ARFGEF1: variants seen among roughly 807,000 people sequenced by gnomAD.
ARFGEF1 encodes ARF guanine nucleotide exchange factor 1.
Under a neutral mutation model 231.0 loss-of-function variants are expected in ARFGEF1, and 42 were observed. The ratio of observed to expected loss-of-function variants is 0.18; its 90% confidence interval spans 0.14 to 0.24. The LOEUF is 0.24. Ranked by LOEUF, ARFGEF1 falls within the 10% of genes least tolerant of loss-of-function variation. ARFGEF1 has a pLI of 1.00. For synonymous variants in ARFGEF1, 710 were observed against 732.3 expected (o/e 0.97, Z 0.49); for missense variants, 1,345 against 2,192.0 (o/e 0.61, Z 7.72).
At chr8:67,275,859 A>ATT in intron 9 of ARFGEF1, 117 bp downstream of exon 9, 5 of 1,271,024 alleles carry the variant, frequency 3.9e-6, no homozygotes, top group East Asian at 2.6e-5. Context: ...CCTCCACCCA[A>ATT]TTTTTTTTTA....
At chr8:67,181,580 ATAAG>A (rs1833054294) in intron 5 of ARFGEF1, among the ~76,000 whole-genome samples, 1 of 152,146 alleles carries the variant, frequency 6.6e-6, no homozygotes, top group Non-Finnish European at 1.5e-5. Context: ...CAAATGCTGC[ATAAG>A]TAAGTCATGG....
rs61758692 is a variant in ARFGEF1 at position 67,291,876 on chromosome 8, G to C, written c.887C>G (p.Thr296Ser). Residue 296 changes from threonine to serine, a missense_variant, in exon 6 of 39, where the codon ACT becomes AGT. Transcript: ENST00000262215. ...SDISSAENEQTEADQATAAET... is the reference protein window; with the variant it reads ...SDISSAENEQSEADQATAAET... ...AGCTGCAGTTGCCTGATCAGCTTCA[G>C]TCTGTTCATTTTCTGCACTGGAAAT... is the stretch of plus-strand genomic sequence containing the variant. The C allele has an allele frequency of 6.2e-7, 1 of 1,613,842 alleles. No individual in the cohort carries two copies. Among genetic ancestry groups the C allele is most frequent in the South Asian group, 1.1e-5 (1 of 91,066 alleles).
Position 67,271,868 on chromosome 8 carries a change from G to A in ARFGEF1, c.1406C>T (p.Pro469Leu). The part of the protein sequence containing the change: ...LLLSILQNAG[P>L]IFRTNEMFIN... ...AAACATCTCATTTGTCCTGAAAATAGGTCCTGCATTCTGCAGAATGGATAG... is the reference window on the plus strand; with the variant it reads ...AAACATCTCATTTGTCCTGAAAATAAGTCCTGCATTCTGCAGAATGGATAG... The change falls in exon 10 of 39, where the codon CCT (proline) becomes CTT (leucine). Residue 469 changes from proline to leucine, a missense_variant. Pro to Leu is a moderately conservative substitution (Grantham distance 98). This residue lies in a region of ARFGEF1 where 141 missense variants were observed against 259.9 expected (regional missense o/e 0.54). Coordinates refer to ENST00000262215, the MANE Select transcript of ARFGEF1 (RefSeq NM_006421.5). The A allele has an allele frequency of 6.2e-7, 1 of 1,613,748 alleles. No homozygotes were observed. Among genetic ancestry groups the A allele is most frequent in the Non-Finnish European group, 8.5e-7 (1 of 1,179,810 alleles).
At chr8:67,282,615 A>G (rs376803361) in intron 7 of ARFGEF1, among the ~76,000 whole-genome samples, 84 of 152,252 alleles carry the variant, frequency 5.5e-4, no homozygotes, top group Middle Eastern at 3.4e-3. Context: ...TGGGAGGCCA[A>G]GGCGGGTGGA....
chr8:67,259,945 G>T lies in ARFGEF1; in HGVS notation c.2124-19C>A. 6.6e-7 allele frequency: 1 copy of T among 1,518,028 alleles called. No homozygotes were observed. Among genetic ancestry groups the T allele is most frequent in the South Asian group, 1.2e-5 (1 of 84,234 alleles). The allele number at this position is 1,518,028 out of a possible 1,614,324, so 94.0% of individuals were successfully genotyped here. ...ATTAAATCTAGATGATGTTAAATAA[G>T]AACATTAAAAATAGAAAACCATTCG... On this transcript the variant is annotated intron_variant, in intron 14 of 38. Transcript: ENST00000262215.
rs765544366 is a variant in ARFGEF1, at chr8:67,228,032, A to G, written c.3522T>C (p.Tyr1174=). The G allele has an allele frequency of 1.2e-6, 2 of 1,604,772 alleles. No homozygotes were observed. The highest frequency in any genetic ancestry group is 1.7e-6 in the Non-Finnish European group (2 of 1,177,686). ...GTAATCTTATTCTTCCCATGTTGTAATATGATATTTCTACTATTTTTTGTA... is the reference window on the plus strand; with the variant it reads ...GTAATCTTATTCTTCCCATGTTGTAGTATGATATTTCTACTATTTTTTGTA... ...FSLQKIVEIS[Y]YNMGRIRLQW... is the part of the protein sequence containing the mutation. The change falls in exon 25 of 39, where the codon TAT becomes TAC. Residue 1174 remains tyrosine (Y), a synonymous_variant. Coordinates refer to ENST00000262215, the MANE Select transcript of ARFGEF1 (RefSeq NM_006421.5).
In ARFGEF1 at chr8:67,291,862, C is replaced by A; in HGVS notation, c.901G>T (p.Ala301Ser). Reference protein sequence around the residue: ...AENEQTEADQATAAETLSKNE... With the variant: ...AENEQTEADQSTAAETLSKNE... Reference sequence around the variant, plus strand: ...AGAAGATTACTTTCAGCTGCAGTTGCCTGATCAGCTTCAGTCTGTTCATTT... The same window carrying A: ...AGAAGATTACTTTCAGCTGCAGTTGACTGATCAGCTTCAGTCTGTTCATTT... The change falls in exon 6 of 39, where the codon GCA (alanine) becomes TCA (serine). Residue 301 changes from alanine to serine, a missense_variant. Transcript: ENST00000262215. 1 of 1,613,534 alleles carries A rather than the reference C, an allele frequency of 6.2e-7. No individual in the cohort carries two copies. Among genetic ancestry groups the A allele is most frequent in the Non-Finnish European group, 8.5e-7 (1 of 1,179,570 alleles).
intron 14 of ARFGEF1, among the ~76,000 whole-genome samples, chr8:67,265,369 C>T (rs768216053): frequency 9.9e-5 from 15 of 151,920 alleles, no homozygotes; most frequent in East Asian, 5.8e-4. Flanking sequence ...TTCATGGAGA[C>T]GGCAAACAAT....
intron 22 of ARFGEF1, among the ~76,000 whole-genome samples, chr8:67,236,274 C>A (rs1198689535): frequency 7.5e-6 from 1 of 133,074 alleles, no homozygotes; most frequent in East Asian, 2.2e-4. Context: ...GTTGAGATCG[C>A]ACCACCGCAC....
chr8:67,303,531 T>G (rs1412389975), intron 1 of ARFGEF1, among the ~76,000 whole-genome samples: 1 of 152,000 alleles, frequency 6.6e-6, no homozygotes, highest in African/African-American at 2.4e-5. Context: ...GCCAACGTGG[T>G]GAAACATCGT....
intron 1 of ARFGEF1, among the ~76,000 whole-genome samples, chr8:67,303,586 C>T (rs758593360): frequency 3.9e-5 from 6 of 151,912 alleles, no homozygotes; most frequent in South Asian, 2.1e-4. Flanking sequence ...TGGTGGTGCG[C>T]GCCTATAACC....
At chr8:67,212,841 T>C (rs1291509704) in intron 33 of ARFGEF1, among the ~76,000 whole-genome samples, 1 of 152,218 alleles carries the variant, frequency 6.6e-6, no homozygotes, top group Non-Finnish European at 1.5e-5. Flanking sequence ...CACTGGTTTT[T>C]AAATATTTTT....
Position 67,201,509 on chromosome 8 carries a change from C to T in ARFGEF1, c.5225G>A (p.Ser1742Asn), listed in dbSNP as rs1258403438. Residue 1742 changes from serine to asparagine, a missense_variant, in exon 37 of 39, where the codon AGC becomes AAC. Physicochemically the swap from Ser to Asn is conservative, Grantham distance 46. Around this residue, in one of 14 missense-constraint regions of ARFGEF1, gnomAD observed 161 missense variants for 284.9 expected, o/e 0.57. Coordinates refer to ENST00000262215, the MANE Select transcript of ARFGEF1 (RefSeq NM_006421.5). ...RILFRMYMDE[S>N]RVSAWEEVQQ... ...GACCTCCTCCCAGGCACTAACGCGG[C>T]TCTCATCCATGTACATCCGGAAGAG... The T allele has an allele frequency of 6.2e-7, 1 of 1,612,756 alleles. No individual in the cohort carries two copies. Among genetic ancestry groups the T allele is most frequent in the Admixed American group, 1.7e-5 (1 of 59,794 alleles).
intron 34 of ARFGEF1, among the ~76,000 whole-genome samples, chr8:67,205,816 C>T (rs1476295392): frequency 6.6e-6 from 1 of 151,678 alleles, no homozygotes; most frequent in Admixed American, 6.6e-5. Flanking sequence ...CAAGATCACA[C>T]CACTGCACTC....
intron 5 of ARFGEF1, among the ~76,000 whole-genome samples, chr8:67,192,061 G>A (rs1241502620): frequency 6.9e-6 from 1 of 145,802 alleles, no homozygotes; most frequent in African/African-American, 2.5e-5. Flanking sequence ...ATCCTTTGCT[G>A]ATTTGTTTTT....
At chr8:67,194,619 TC>T (rs1333024389), downstream of ARFGEF1, among the ~76,000 whole-genome samples, 2 of 152,038 alleles carry the variant, frequency 1.3e-5, no homozygotes, top group African/African-American at 4.8e-5. Flanking sequence ...CATTGTCCTT[TC>T]AAACAGGAGC....
At chr8:67,286,388 ACT>A (rs1200723939) in intron 7 of ARFGEF1, among the ~76,000 whole-genome samples, 1 of 152,118 alleles carries the variant, frequency 6.6e-6, no homozygotes, top group Non-Finnish European at 1.5e-5. Context: ...TTCACTTCAG[ACT>A]CTGTATTGTT....
rs1232802022 is a variant in ARFGEF1, at chr8:67,299,313, T to C, written c.355A>G (p.Ser119Gly). Reference protein sequence around the residue: ...YGHLTGNAPDSTTPGKKLIDR... With the variant: ...YGHLTGNAPDGTTPGKKLIDR... ...ATTAATTTTTTGCCTGGTGTTGTACTATCTGGAGCATTGCCAGTCAAGTGC... is the reference window on the plus strand; with the variant it reads ...ATTAATTTTTTGCCTGGTGTTGTACCATCTGGAGCATTGCCAGTCAAGTGC... The change falls in exon 4 of 39, where the codon AGT becomes GGT. Residue 119 changes from serine to glycine, a missense_variant. Transcript: ENST00000262215. The C allele has an allele frequency of 3.1e-6, 5 of 1,608,748 alleles. No individual in the cohort carries two copies. In the South Asian group the frequency reaches 4.5e-5, roughly 14 times the overall value.
At position 67,245,802 on chromosome 8, in the gene ARFGEF1, T is replaced by C. The variant is rs537891057; in HGVS notation, c.2850+5497A>G. Among the ~76,000 whole-genome samples the C allele has an allele frequency of 1.5e-4, 23 of 150,292 alleles. 2 individuals are homozygous for C. The highest frequency in any genetic ancestry group is 5.7e-4 in the African/African-American group (23 of 40,296). ...AACTCTTCAATAAAAAGATACATAG[T>C]GGCTGAATGAACAAAAACACAAGCC... On this transcript the variant is annotated intron_variant, in intron 19 of 38. Coordinates refer to ENST00000262215, the MANE Select transcript of ARFGEF1 (RefSeq NM_006421.5).
Sources: allele counts gnomAD v4.1 joint callset (sites outside exome capture counted in the v4.1 genomes callset), GRCh38; gene constraint gnomAD v4.1.1; regional missense constraint gnomAD v4.1.1; transcripts MANE v1.5; gene names NCBI Gene and HGNC (gene_info 2026-07-23, HGNC 2026-07-21).